SLC9C2: variants seen among roughly 807,000 people sequenced by gnomAD.
SLC9C2 encodes solute carrier family 9 member C2 (putative).
Under a neutral mutation model 140.2 loss-of-function variants are expected in SLC9C2, and 75 were observed. The observed-to-expected ratio is 0.53, with a 90% CI of 0.44 to 0.65. The LOEUF is 0.65. Among genes scored for constraint, SLC9C2 ranks in the 30% least tolerant of loss-of-function variants. The pLI is 0.00. For missense variants in SLC9C2, 1,074 were observed against 1,331.8 expected (o/e 0.81, Z 3.01); for synonymous variants, 375 against 420.9 (o/e 0.89, Z 1.34).
At chr1:173,592,253 G>A in intron 4 of SLC9C2, among the ~76,000 whole-genome samples, 1 of 152,150 alleles carries the variant, frequency 6.6e-6, no homozygotes, top group East Asian at 1.9e-4. Context: ...ATGCTGTTTT[G>A]ATTACTGTAG....
chr1:173,549,325 T>C (rs1276072539), intron 11 of SLC9C2, among the ~76,000 whole-genome samples: 1 of 152,230 alleles, frequency 6.6e-6, no homozygotes, highest in African/African-American at 2.4e-5. Context: ...CAGAAAGATC[T>C]GTAGGGATAT....
intron 23 of SLC9C2, among the ~76,000 whole-genome samples, chr1:173,514,550 G>C (rs1033927658): frequency 5.3e-5 from 8 of 151,288 alleles, no homozygotes; most frequent in East Asian, 3.9e-4. Context: ...TATGTGAGAT[G>C]AGCCCCCTAA....
chr1:173,590,909 T>C (rs1666122797), intron 4 of SLC9C2, among the ~76,000 whole-genome samples: 1 of 152,200 alleles, frequency 6.6e-6, no homozygotes, highest in Non-Finnish European at 1.5e-5. Context: ...AAAAAAATAC[T>C]TTTATTTTAG....
At chr1:173,578,573 T>C (rs1665325096) in intron 7 of SLC9C2, among the ~76,000 whole-genome samples, 1 of 152,162 alleles carries the variant, frequency 6.6e-6, no homozygotes, top group African/African-American at 2.4e-5. Context: ...CTGCCATAAT[T>C]GAATAGCACA....
intron 24 of SLC9C2, among the ~76,000 whole-genome samples, chr1:173,509,287 T>TA (rs908049591): frequency 2.0e-5 from 3 of 151,382 alleles, no homozygotes; most frequent in African/African-American, 4.9e-5. Flanking sequence ...CTACTAATAA[T>TA]AAAAAAAATT....
At position 173,503,256 on chromosome 1, in the gene SLC9C2, A is replaced by C. The variant is rs57832781; in HGVS notation, c.3371+10T>G. ...AGAAAAAATTCTAATCAAAGTGTCA[A>C]GTTTATTACCTCATCTTTTGTCTTC... On this transcript the variant is annotated intron_variant, in intron 27 of 27. Transcript: ENST00000367714. 3.9e-3 allele frequency: 6,208 copies of C among 1,609,864 alleles called. 190 individuals carry two copies. The African/African-American group carries it at 0.069, about 18-fold the overall frequency.
At chr1:173,521,524 G>GTGTGTGTA (rs749306235) in intron 21 of SLC9C2, 125 bp from the exon 22 acceptor site, 63 of 250,860 alleles carry the variant, frequency 2.5e-4, no homozygotes, top group African/African-American at 1.4e-3. Context: ...GTGTGTGTGT[G>GTGTGTGTA]TATATATATA....
chr1:173,585,744 A>C (rs1571618444), intron 5 of SLC9C2, among the ~76,000 whole-genome samples: 1 of 152,206 alleles, frequency 6.6e-6, no homozygotes, highest in East Asian at 1.9e-4. Context: ...AGGTGGGTGG[A>C]TCATCTGAGG....
intron 23 of SLC9C2, among the ~76,000 whole-genome samples, chr1:173,512,565 G>A (rs1660127545): frequency 1.3e-5 from 2 of 152,042 alleles, no homozygotes; most frequent in African/African-American, 4.8e-5. Flanking sequence ...GAGACAATGG[G>A]GTTTTCTAAA....
rs371089001 is a variant in SLC9C2 at position 173,523,802 on chromosome 1, C to G, written c.2640+167G>C. On this transcript the variant is annotated intron_variant, in intron 21 of 27. Coordinates refer to ENST00000367714, the MANE Select transcript of SLC9C2 (RefSeq NM_178527.4). ...TGAAAAACTATCTTTGCCCTTTAGG[C>G]TCAAAAAGAGATCTAGTCTTCCTCT... is the stretch of plus-strand genomic sequence containing the variant. Among the ~76,000 whole-genome samples the G allele has an allele frequency of 5.3e-5, 8 of 152,324 alleles. No individual in the cohort carries two copies. The South Asian group carries it at 1.0e-3, about 20-fold the overall frequency.
chr1:173,547,631 A>C, intron 13 of SLC9C2, 58 bp downstream of exon 13: 1 of 1,292,198 alleles, frequency 7.7e-7, no homozygotes, highest in South Asian at 1.4e-5. Context: ...AATCATATGC[A>C]AGGATCAAAG....
chr1:173,543,775 A>C (rs2102038081), intron 13 of SLC9C2, among the ~76,000 whole-genome samples: 1 of 152,370 alleles, frequency 6.6e-6, no homozygotes, highest in Middle Eastern at 3.4e-3. Context: ...TATTTAATAA[A>C]TGGTGCTGGG....
intron 22 of SLC9C2, among the ~76,000 whole-genome samples, chr1:173,521,054 C>G (rs1343053252): frequency 6.6e-6 from 1 of 152,122 alleles, no homozygotes; most frequent in Non-Finnish European, 1.5e-5. Flanking sequence ...TCTGAACATT[C>G]TGAAAAATCC....
Position 173,573,314 on chromosome 1 carries a change from A to C in SLC9C2, c.914T>G (p.Ile305Ser). The change falls in exon 9 of 28, where the codon ATT (isoleucine) becomes AGT (serine). Residue 305 changes from isoleucine to serine, a missense_variant. By Grantham distance (142) the Ile-to-Ser change is moderately radical. Coordinates refer to ENST00000367714, the MANE Select transcript of SLC9C2 (RefSeq NM_178527.4). ...TAAATGTTCATATACAGATGAAAAA[A>C]TTCTTAAGAACCTAGGATGAATGAA... is the stretch of plus-strand genomic sequence containing the variant. Reference protein sequence around the residue: ...IELVITKFLRIFSSVYEHLIY... With the variant: ...IELVITKFLRSFSSVYEHLIY... 6.6e-7 allele frequency: 1 copy of C among 1,515,014 alleles called. No homozygotes were observed. The highest frequency in any genetic ancestry group is 9.0e-7 in the Non-Finnish European group (1 of 1,112,500). 93.8% of individuals were successfully genotyped at this position (1,515,014 alleles called of 1,614,324 possible). A position where few individuals can be genotyped will look rare whatever the true frequency, so the allele number is the denominator to read the frequency against.
chr1:173,598,073 T>C (rs1415828202), intron 3 of SLC9C2, 41 bp from the exon 4 acceptor site: 3 of 1,547,182 alleles, frequency 1.9e-6, no homozygotes, highest in Non-Finnish European at 1.7e-6. Flanking sequence ...TTTGCTACCA[T>C]TTCCAAGTAT....
rs1288751932 is a variant in SLC9C2 at position 173,587,799 on chromosome 1, G to A, written c.389C>T (p.Thr130Ile). 6 of 1,612,674 alleles carry A rather than the reference G, an allele frequency of 3.7e-6. No homozygotes were observed. In the South Asian group the frequency reaches 6.6e-5, roughly 18 times the overall value. Residue 130 changes from threonine to isoleucine, a missense_variant, in exon 5 of 28, where the codon ACA becomes ATA. Coordinates refer to ENST00000367714, the MANE Select transcript of SLC9C2 (RefSeq NM_178527.4). ...GACATATCCAATTATGATGCTTGCT[G>A]TAGAAAAGCTAATTAATCCAGTTAA... ...VLLTGLISFS[T>I]ASIIIGYVVI...
At chr1:173,552,574 A>G (rs776100456) in intron 11 of SLC9C2, among the ~76,000 whole-genome samples, 3 of 152,188 alleles carry the variant, frequency 2.0e-5, no homozygotes, top group African/African-American at 7.2e-5. Context: ...ATTAAGCTAA[A>G]TGTATTCTGT....
At chr1:173,521,937 C>G (rs571973264) in intron 21 of SLC9C2, among the ~76,000 whole-genome samples, 32 of 148,766 alleles carry the variant, frequency 2.2e-4, no homozygotes, top group Non-Finnish European at 1.5e-4. Context: ...CGGTGGCTTA[C>G]GCCTGTAATC....
intron 23 of SLC9C2, among the ~76,000 whole-genome samples, chr1:173,517,022 T>C (rs550099153): frequency 9.8e-5 from 15 of 152,360 alleles, no homozygotes; most frequent in South Asian, 2.1e-4. Context: ...TGGTGTGAGA[T>C]GGTATCTCAT....
Sources: allele counts gnomAD v4.1 joint callset (sites outside exome capture counted in the v4.1 genomes callset), GRCh38; gene constraint gnomAD v4.1.1; transcripts MANE v1.5; gene names NCBI Gene and HGNC (gene_info 2026-07-23, HGNC 2026-07-21).